Variants in MAP3K5 observed in about 807,000 individuals in gnomAD.
MAP3K5 encodes the protein ASK-1.
In MAP3K5, 56 loss-of-function variants were observed where a neutral mutation model predicts 158.7. That is an observed-to-expected ratio of 0.35 (90% CI 0.28 to 0.44). The LOEUF is 0.44. MAP3K5 is among the 20% of genes least tolerant of loss of function. The pLI is 1.00. For missense variants in MAP3K5, 1,294 were observed against 1,674.8 expected (o/e 0.77, Z 3.97); for synonymous variants, 579 against 601.7 (o/e 0.96, Z 0.55).
At chr6:136,586,590 G>A (rs562380726) in intron 23 of MAP3K5, among the ~76,000 whole-genome samples, 22 of 152,316 alleles carry the variant, frequency 1.4e-4, no homozygotes, top group African/African-American at 4.6e-4. Flanking sequence ...CATCAGCATA[G>A]ATTTAACGGT....
intron 7 of MAP3K5, among the ~76,000 whole-genome samples, chr6:136,675,302 A>G (rs924665489): frequency 6.6e-6 from 1 of 152,108 alleles, no homozygotes; most frequent in Non-Finnish European, 1.5e-5. Context: ...ATTATCAGTG[A>G]GGATATAGAT....
At position 136,561,544 on chromosome 6, in the gene MAP3K5, T is replaced by C; in HGVS notation, c.3976A>G (p.Thr1326Ala). ...WLRVNGADEDTISRFLAEDYT... is the reference protein window; with the variant it reads ...WLRVNGADEDAISRFLAEDYT... ...ACAGTTTTCTTTACCCGGCTTATAG[T>C]GTCTTCATCAGCTCCATTCACTCTC... is the stretch of plus-strand genomic sequence containing the variant. The change falls in exon 28 of 30, where the codon ACT becomes GCT. Residue 1326 changes from threonine (T) to alanine (A), a missense_variant. By Grantham distance (58) the Thr-to-Ala change is moderately conservative (BLOSUM62 0). This residue lies in a region of MAP3K5 where 199 missense variants were observed against 220.3 expected (regional missense o/e 0.90). Transcript: ENST00000359015. 1 of 1,610,830 alleles carries C rather than the reference T, an allele frequency of 6.2e-7. No homozygotes were observed. Among genetic ancestry groups the C allele is most frequent in the Non-Finnish European group, 8.5e-7 (1 of 1,177,014 alleles).
intron 25 of MAP3K5, chr6:136,579,717 T>TGTGTTA (rs1583213272): frequency 4.6e-6 from 2 of 432,468 alleles, no homozygotes; most frequent in Admixed American, 2.6e-5. Flanking sequence ...GAGGAGGCTA[T>TGTGTTA]GCATGTGTTA....
At chr6:136,627,873 C>T (rs1280880894) in intron 14 of MAP3K5, among the ~76,000 whole-genome samples, 1 of 152,228 alleles carries the variant, frequency 6.6e-6, no homozygotes, top group African/African-American at 2.4e-5. Context: ...CTACCTCTGT[C>T]ATCCTCGTCT....
chr6:136,612,072 A>G (rs571164296), intron 17 of MAP3K5, among the ~76,000 whole-genome samples: 2 of 151,914 alleles, frequency 1.3e-5, no homozygotes, highest in Non-Finnish European at 2.9e-5. Context: ...CACAAGAACC[A>G]TTTTCCACAC....
chr6:136,791,133 G>A (rs1310219448), intron 1 of MAP3K5, among the ~76,000 whole-genome samples: 1 of 152,172 alleles, frequency 6.6e-6, no homozygotes, highest in East Asian at 1.9e-4. Context: ...ATTGCCTTTG[G>A]AAGCACTGTA....
At position 136,583,756 on chromosome 6, in the gene MAP3K5, A is replaced by C; in HGVS notation, c.3226-16T>G. 4 of 1,610,878 alleles carry C rather than the reference A, an allele frequency of 2.5e-6. No homozygotes were observed. The highest frequency in any genetic ancestry group is 3.4e-6 in the Non-Finnish European group (4 of 1,177,468). On this transcript the variant is annotated splice_polypyrimidine_tract_variant and intron_variant, in intron 23 of 29. Coordinates refer to ENST00000359015, the MANE Select transcript of MAP3K5 (RefSeq NM_005923.4). ...CTTCAGCCCCCTGTGAATAAAAATC[A>C]ACAATCCTTACATCAACATATGCTG...
In MAP3K5 at chr6:136,627,651, T is replaced by C. The variant is rs561763768; in HGVS notation, c.2017-4670A>G. On this transcript the variant is annotated intron_variant, in intron 14 of 29. Transcript: ENST00000359015. ...TGAAAGAGGCTTGAAGGAGCCTGGT[T>C]GAGCCTTCAGCCATGTGAGCACCCA... 1.0e-3 allele frequency among the ~76,000 whole-genome samples: 158 copies of C among 152,318 alleles called. 1 individual carries two copies. Among genetic ancestry groups the C allele is most frequent in the East Asian group, 6.9e-3 (36 of 5,192 alleles).
intron 8 of MAP3K5, among the ~76,000 whole-genome samples, chr6:136,665,351 T>G (rs1490183199): frequency 6.6e-6 from 1 of 151,178 alleles, no homozygotes. Flanking sequence ...GAGCTGTATT[T>G]TTTTTTTTTT....
At chr6:136,593,731 A>T in intron 21 of MAP3K5, 1 of 417,100 alleles carries the variant, frequency 2.4e-6, no homozygotes, top group East Asian at 7.1e-5. Context: ...AAAAAAAAAA[A>T]AGAAAGTGGT....
upstream of MAP3K5, among the ~76,000 whole-genome samples, chr6:136,792,709 C>T (rs372184364): frequency 2.6e-5 from 4 of 152,310 alleles, no homozygotes; most frequent in East Asian, 1.9e-4. The surrounding 1 kb of genome is among the most constrained non-coding windows in gnomAD (Gnocchi z 5.7). Flanking sequence ...CGAAAGGACC[C>T]TCCTCCCTCT....
rs1157386820 is a variant in MAP3K5, at chr6:136,684,213, T to A, written c.1253+9927A>T. Among the ~76,000 whole-genome samples the A allele has an allele frequency of 4.0e-5, 6 of 151,678 alleles. No homozygotes were observed. In the East Asian group the frequency reaches 1.2e-3, roughly 29 times the overall value. ...CACTGGGCGACAGAATGAGACCCTA[T>A]CTCAATTTTTTTTTTAAAAAAAAAA... On this transcript the variant is annotated intron_variant, in intron 7 of 29. Transcript: ENST00000359015.
At chr6:136,686,932 T>C (rs1466111631) in intron 7 of MAP3K5, among the ~76,000 whole-genome samples, 17 of 152,154 alleles carry the variant, frequency 1.1e-4, no homozygotes, top group Admixed American at 1.1e-3. Context: ...ACTTTAAACT[T>C]CAGATGGAAC....
chr6:136,655,707 AGTGTGTGTGT>A (rs61536898), intron 10 of MAP3K5, among the ~76,000 whole-genome samples: 16,176 of 149,936 alleles, frequency 0.11, 1,580 homozygotes, highest in East Asian at 0.27. Context: ...ATTTTTTTAA[AGTGTGTGTGT>A]GTGTGTGTGT....
At chr6:136,619,988 G>A (rs555429140) in intron 15 of MAP3K5, among the ~76,000 whole-genome samples, 3 of 152,196 alleles carry the variant, frequency 2.0e-5, no homozygotes, top group Non-Finnish European at 2.9e-5. Flanking sequence ...TTGGGTTCAC[G>A]GCCTGGCGTG....
In MAP3K5 at chr6:136,602,229, T is replaced by C. The variant is rs555038659; in HGVS notation, c.2680-250A>G. 2.0e-5 allele frequency among the ~76,000 whole-genome samples: 3 copies of C among 152,330 alleles called. 1 individual carries two copies. In the East Asian group the frequency reaches 5.8e-4, roughly 29 times the overall value. On this transcript the variant is annotated intron_variant, in intron 19 of 29. Coordinates refer to ENST00000359015, the MANE Select transcript of MAP3K5 (RefSeq NM_005923.4). The stretch of plus-strand genomic sequence containing the variant: ...GAAGACAGTAGGCAGCACTATGAAG[T>C]AATAATTTAGTCCTTCAAAGCTTTA...
chr6:136,765,379 C>T (rs1235916131), intron 1 of MAP3K5, among the ~76,000 whole-genome samples: 1 of 152,176 alleles, frequency 6.6e-6, no homozygotes, highest in Non-Finnish European at 1.5e-5. Context: ...TCACTTTAAC[C>T]TCAAACTCCT....
intron 19 of MAP3K5, 32 bp from the exon 20 acceptor site, chr6:136,602,011 C>T: frequency 6.9e-6 from 11 of 1,585,958 alleles, no homozygotes; most frequent in Non-Finnish European, 9.5e-6. Flanking sequence ...TGCAATGTGC[C>T]TTCTGAGTGA....
intron 7 of MAP3K5, among the ~76,000 whole-genome samples, chr6:136,675,996 C>T (rs1475630660): frequency 1.3e-5 from 2 of 152,082 alleles, no homozygotes; most frequent in Non-Finnish European, 2.9e-5. Context: ...AATATAACAA[C>T]ATGGGTAAAA....
Sources: allele counts gnomAD v4.1 joint callset (sites outside exome capture counted in the v4.1 genomes callset), GRCh38; gene constraint gnomAD v4.1.1; regional missense constraint gnomAD v4.1.1; non-coding constraint Gnocchi (gnomAD v3.1); transcripts MANE v1.5; gene names NCBI Gene and HGNC (gene_info 2026-07-23, HGNC 2026-07-21).